KDM4C: variants seen among roughly 807,000 people sequenced by gnomAD.
KDM4C encodes lysine-specific demethylase 4C.
Under a neutral mutation model 129.3 loss-of-function variants are expected in KDM4C, and 81 were observed. That is an observed-to-expected ratio of 0.63 (90% CI 0.52 to 0.75). KDM4C has a LOEUF of 0.75. KDM4C is among the 30% of genes least tolerant of loss of function. The probability of loss-of-function intolerance (pLI) is 0.00; values close to 1 mark genes in which losing one functional copy is unlikely to be tolerated. For missense variants in KDM4C, 1,457 were observed against 1,304.0 expected (o/e 1.12, Z -1.81); for synonymous variants, 573 against 456.1 (o/e 1.26, Z -3.26).
At chr9:6,920,683 C>T (rs1033559777) in intron 8 of KDM4C, among the ~76,000 whole-genome samples, 74 of 152,112 alleles carry the variant, frequency 4.9e-4, no homozygotes, top group African/African-American at 1.7e-3. Flanking sequence ...TGAATGAAAT[C>T]AGGGAACAGA....
At chr9:6,722,260 T>G (rs1313073680) in intron 1 of KDM4C, among the ~76,000 whole-genome samples, 1 of 152,080 alleles carries the variant, frequency 6.6e-6, no homozygotes, top group African/African-American at 2.4e-5. Context: ...GCCTAAGCAG[T>G]GAATTGGGAG....
At chr9:6,870,309 C>G (rs966306623) in intron 5 of KDM4C, among the ~76,000 whole-genome samples, 3 of 151,962 alleles carry the variant, frequency 2.0e-5, no homozygotes, top group Non-Finnish European at 4.4e-5. Flanking sequence ...CCTGTCACTT[C>G]TTTCCTTTTG....
chr9:6,908,899 G>C (rs575877376), intron 8 of KDM4C, among the ~76,000 whole-genome samples: 10 of 152,208 alleles, frequency 6.6e-5, no homozygotes, highest in African/African-American at 2.2e-4. Flanking sequence ...TAAACTCCTG[G>C]AGTAGTGACT....
chr9:7,093,270 T>C (rs901358505), intron 17 of KDM4C, among the ~76,000 whole-genome samples: 4 of 152,278 alleles, frequency 2.6e-5, no homozygotes, highest in South Asian at 2.1e-4. Context: ...TGTTGATTCA[T>C]TGTGAGAGTG....
intron 2 of KDM4C, among the ~76,000 whole-genome samples, chr9:6,805,350 T>C (rs902244684): frequency 6.6e-6 from 1 of 152,218 alleles, no homozygotes; most frequent in Admixed American, 6.5e-5. Context: ...AAAATCAAGA[T>C]GTTAATAGTA....
chr9:7,152,206 AG>A (rs1842791049), intron 19 of KDM4C, among the ~76,000 whole-genome samples: 1 of 152,244 alleles, frequency 6.6e-6, no homozygotes, highest in African/African-American at 2.4e-5. Flanking sequence ...CTAAGAATAG[AG>A]TCAGTAATTC....
chr9:7,043,288 C>G (rs376804935), intron 15 of KDM4C, among the ~76,000 whole-genome samples: 2 of 151,926 alleles, frequency 1.3e-5, no homozygotes, highest in South Asian at 2.1e-4. Context: ...TAGCACTTTC[C>G]TACCTTCTCC....
intron 8 of KDM4C, among the ~76,000 whole-genome samples, chr9:6,932,514 A>G (rs1823939280): frequency 1.3e-5 from 2 of 152,182 alleles, no homozygotes; most frequent in African/African-American, 4.8e-5. Context: ...AGTGTATACA[A>G]TTGAAGCAAT....
At chr9:6,848,983 G>A (rs961287902) in intron 4 of KDM4C, among the ~76,000 whole-genome samples, 2 of 152,196 alleles carry the variant, frequency 1.3e-5, no homozygotes, top group Non-Finnish European at 2.9e-5. Flanking sequence ...AGGAAACAAT[G>A]TATTACATGC....
At chr9:6,822,100 C>A (rs1235500226) in intron 4 of KDM4C, among the ~76,000 whole-genome samples, 1 of 152,170 alleles carries the variant, frequency 6.6e-6, no homozygotes, top group East Asian at 1.9e-4. Context: ...GGGGCGAATC[C>A]AGCCTTTGGG....
intron 21 of KDM4C, among the ~76,000 whole-genome samples, chr9:7,172,687 G>A (rs1845082364): frequency 6.6e-6 from 1 of 152,208 alleles, no homozygotes; most frequent in East Asian, 1.9e-4. Flanking sequence ...TGAACTGGCT[G>A]GAAACATGAA....
At chr9:7,010,855 C>T (rs964191370) in intron 12 of KDM4C, among the ~76,000 whole-genome samples, 2 of 151,998 alleles carry the variant, frequency 1.3e-5, no homozygotes, top group African/African-American at 2.4e-5. Flanking sequence ...ACCAGCCTGG[C>T]CATCATGGTG....
At chr9:6,816,895 CTTACTGG>C (rs1832206543) in intron 4 of KDM4C, among the ~76,000 whole-genome samples, 1 of 146,350 alleles carries the variant, frequency 6.8e-6, no homozygotes, top group Non-Finnish European at 1.5e-5. Context: ...TTTAGTGATT[CTTACTGG>C]TTTATACTTC....
At chr9:6,871,187 G>C (rs190673001) in intron 5 of KDM4C, among the ~76,000 whole-genome samples, 12 of 152,366 alleles carry the variant, frequency 7.9e-5, no homozygotes, top group Admixed American at 3.3e-4. Flanking sequence ...TATTTTGAAA[G>C]AAGTACGAAG....
At chr9:6,955,635 G>A (rs750048705) in intron 8 of KDM4C, among the ~76,000 whole-genome samples, 14 of 152,136 alleles carry the variant, frequency 9.2e-5, no homozygotes, top group African/African-American at 3.4e-4. Context: ...GGCTTTTAAC[G>A]TTTGGCGCTT....
intron 15 of KDM4C, among the ~76,000 whole-genome samples, chr9:7,042,659 C>G (rs1010318312): frequency 3.9e-5 from 6 of 152,044 alleles, no homozygotes; most frequent in Non-Finnish European, 7.4e-5. Flanking sequence ...CATACAGGAA[C>G]TTTCTTCTTG....
At chr9:6,990,141 G>T (rs1443498140) in intron 11 of KDM4C, among the ~76,000 whole-genome samples, 1 of 152,052 alleles carries the variant, frequency 6.6e-6, no homozygotes, top group African/African-American at 2.4e-5. Context: ...TGAGCTTATT[G>T]CAGGTTTAAT....
chr9:6,778,387 TC>T (rs781187140), intron 1 of KDM4C, among the ~76,000 whole-genome samples: 4 of 151,630 alleles, frequency 2.6e-5, no homozygotes, highest in Non-Finnish European at 5.9e-5. Context: ...ACCCCACCAT[TC>T]CTGGGTTTCA....
At chr9:6,902,611 C>T (rs571279824) in intron 8 of KDM4C, 2 of 152,208 alleles carry the variant, frequency 1.3e-5, no homozygotes, top group East Asian at 3.9e-4. Context: ...ATGTCCCTCT[C>T]CCCAAGTACA....
Sources: allele counts gnomAD v4.1 joint callset (sites outside exome capture counted in the v4.1 genomes callset), GRCh38; gene constraint gnomAD v4.1.1; transcripts MANE v1.5; gene names NCBI Gene and HGNC (gene_info 2026-07-23, HGNC 2026-07-21).